Variants in NXPH1 observed in about 807,000 individuals in gnomAD.
The protein encoded by NXPH1 is neurexophilin 1.
In NXPH1, 5 loss-of-function variants were observed where a neutral mutation model predicts 23.7. The observed-to-expected ratio is 0.21, with a 90% CI of 0.11 to 0.44. NXPH1 has a LOEUF of 0.44. NXPH1 is among the 20% of genes least tolerant of loss of function. NXPH1 has a pLI of 0.99. For missense variants in NXPH1, 324 were observed against 321.6 expected (o/e 1.01, Z -0.06); for synonymous variants, 144 against 122.2 (o/e 1.18, Z -1.18).
At chr7:8,745,322 TG>T (rs959269706) in intron 2 of NXPH1, among the ~76,000 whole-genome samples, 2 of 152,150 alleles carry the variant, frequency 1.3e-5, no homozygotes, top group African/African-American at 4.8e-5. Flanking sequence ...CTCACATACT[TG>T]TTTTTTGTGT....
At chr7:8,739,478 C>T (rs1034401710) in intron 2 of NXPH1, among the ~76,000 whole-genome samples, 1 of 152,116 alleles carries the variant, frequency 6.6e-6, no homozygotes, top group Non-Finnish European at 1.5e-5. Flanking sequence ...GGGCTGCACG[C>T]ACTGTCTAAC....
chr7:8,489,921 G>T (rs1222361248), intron 2 of NXPH1, among the ~76,000 whole-genome samples: 2 of 152,008 alleles, frequency 1.3e-5, no homozygotes, highest in African/African-American at 4.8e-5. Flanking sequence ...AAGGTAAATT[G>T]GTTCTTGATT....
intron 2 of NXPH1, among the ~76,000 whole-genome samples, chr7:8,591,501 T>C (rs1420112654): frequency 6.6e-6 from 1 of 152,036 alleles, no homozygotes; most frequent in Non-Finnish European, 1.5e-5. Context: ...GTCTTTGAAG[T>C]TTTATCATGC....
intron 2 of NXPH1, among the ~76,000 whole-genome samples, chr7:8,474,782 T>A (rs888991660): frequency 6.6e-6 from 1 of 152,112 alleles, no homozygotes; most frequent in Non-Finnish European, 1.5e-5. Context: ...TTTTCCAACC[T>A]CACTTTTATA....
intron 2 of NXPH1, among the ~76,000 whole-genome samples, chr7:8,738,507 AGGG>A (rs1780301648): frequency 6.6e-6 from 1 of 152,136 alleles, no homozygotes; most frequent in African/African-American, 2.4e-5. Context: ...TTTGTCCCAG[AGGG>A]ACACCTGCCA....
intron 2 of NXPH1, among the ~76,000 whole-genome samples, chr7:8,449,236 C>A (rs78440447): frequency 6.6e-6 from 1 of 152,272 alleles, no homozygotes; most frequent in Non-Finnish European, 1.5e-5. Flanking sequence ...CCACAGTATC[C>A]CTCTCATATG....
chr7:8,461,786 C>T (rs1816700198), intron 2 of NXPH1, among the ~76,000 whole-genome samples: 1 of 137,988 alleles, frequency 7.2e-6, no homozygotes, highest in East Asian at 2.3e-4. Flanking sequence ...GCTGAGATCG[C>T]GCCACTGCAG....
At chr7:8,469,684 T>C (rs115240890) in intron 2 of NXPH1, among the ~76,000 whole-genome samples, 2,651 of 152,244 alleles carry the variant, frequency 0.017, 64 homozygotes, top group African/African-American at 0.053. Context: ...TTCTATCGAA[T>C]TGTGGATTGA....
rs932966409 is a variant in NXPH1 at position 8,752,864 on chromosome 7, A to G, written c.*1095A>G. 5.2e-5 allele frequency: 8 copies of G among 152,602 alleles called. No individual in the cohort carries two copies. Among genetic ancestry groups the G allele is most frequent in the Admixed American group, 2.6e-4 (4 of 15,262 alleles). The allele number at this position is 152,602 out of a possible 1,614,324, so 9.5% of individuals were successfully genotyped here. A position where few individuals can be genotyped will look rare whatever the true frequency, so the allele number is the denominator to read the frequency against. ...TTCAGATCAAGTATTGTTGAAAGCT[A>G]TACATATACAACATTACAGTCTGTC... On this transcript the variant is annotated 3_prime_UTR_variant, in exon 3 of 3. Coordinates refer to ENST00000405863, the MANE Select transcript of NXPH1 (RefSeq NM_152745.3).
At chr7:8,631,216 T>C (rs966072284) in intron 2 of NXPH1, among the ~76,000 whole-genome samples, 1 of 152,192 alleles carries the variant, frequency 6.6e-6, no homozygotes, top group African/African-American at 2.4e-5. Flanking sequence ...TTTGTTATCA[T>C]GAATAGTGCT....
At chr7:8,497,805 C>T (rs556033028) in intron 2 of NXPH1, among the ~76,000 whole-genome samples, 4 of 152,184 alleles carry the variant, frequency 2.6e-5, no homozygotes, top group African/African-American at 7.2e-5. Context: ...TTCTCCCATT[C>T]TGTAGGTTGC....
intron 2 of NXPH1, among the ~76,000 whole-genome samples, chr7:8,579,172 G>A (rs538740816): frequency 6.6e-6 from 1 of 152,076 alleles, no homozygotes; most frequent in Non-Finnish European, 1.5e-5. Context: ...TCATCTTTTA[G>A]TACTCACTAT....
Position 8,640,435 on chromosome 7 carries a change from A to AAT in NXPH1, c.55-110563_55-110562dup, listed in dbSNP as rs201932560. Among the ~76,000 whole-genome samples the AAT allele has an allele frequency of 6.6e-3, 991 of 151,116 alleles. 15 individuals are homozygous for AAT. The highest frequency in any genetic ancestry group is 0.023 in the African/African-American group (940 of 41,384). On this transcript the variant is annotated intron_variant, in intron 2 of 2. Transcript: ENST00000405863. The stretch of plus-strand genomic sequence containing the variant: ...TGAATATTATATTTATTAAGTATTA[A>AAT]ATATATATATAGTTTTAAATTCATT...
At chr7:8,741,018 A>T (rs1442305378) in intron 2 of NXPH1, among the ~76,000 whole-genome samples, 1 of 152,166 alleles carries the variant, frequency 6.6e-6, no homozygotes, top group Non-Finnish European at 1.5e-5. Context: ...CACATAATCA[A>T]ATGTTTGTAT....
At chr7:8,446,256 T>A (rs954895365) in intron 2 of NXPH1, among the ~76,000 whole-genome samples, 2 of 152,226 alleles carry the variant, frequency 1.3e-5, no homozygotes, top group South Asian at 4.1e-4. Flanking sequence ...TGAACACTGG[T>A]ATGCTAATCA....
intron 2 of NXPH1, among the ~76,000 whole-genome samples, chr7:8,622,788 G>A (rs898494891): frequency 9.9e-5 from 15 of 152,148 alleles, no homozygotes; most frequent in Admixed American, 5.9e-4. Flanking sequence ...AGGACAAGGC[G>A]AAAACCTATA....
intron 2 of NXPH1, among the ~76,000 whole-genome samples, chr7:8,708,150 A>G (rs1036118097): frequency 2.0e-5 from 3 of 152,214 alleles, no homozygotes; most frequent in African/African-American, 7.2e-5. Flanking sequence ...ATCATGGTCT[A>G]TAAAGAATTC....
chr7:8,715,806 C>T (rs761908075), intron 2 of NXPH1, among the ~76,000 whole-genome samples: 5 of 151,788 alleles, frequency 3.3e-5, no homozygotes, highest in Admixed American at 6.6e-5. Flanking sequence ...AGTGAGTTGA[C>T]GTGAGAGATG....
intron 2 of NXPH1, among the ~76,000 whole-genome samples, chr7:8,635,742 G>C (rs1820209214): frequency 6.6e-6 from 1 of 152,144 alleles, no homozygotes; most frequent in African/African-American, 2.4e-5. Context: ...TTTCTTGGAA[G>C]CATTTACGTC....
Sources: gnomAD v4.1 joint callset for allele counts (sites outside exome capture counted in the v4.1 genomes callset) on GRCh38, gnomAD v4.1.1 for gene constraint, MANE v1.5 for transcripts, NCBI Gene and HGNC (gene_info 2026-07-23, HGNC 2026-07-21) for gene names.